PCDHGA8: variants seen among roughly 807,000 people sequenced by gnomAD.
The protein encoded by PCDHGA8 is protocadherin gamma subfamily A, 8, also known as protocadherin gamma-A8.
PCDHGA8 carries 45 observed loss-of-function variants against 59.2 expected under a neutral mutation model. The observed-to-expected ratio is 0.76, with a 90% confidence interval of 0.60 to 0.98. The LOEUF (loss-of-function observed/expected upper bound fraction) is 0.98. Among genes scored for constraint, PCDHGA8 ranks in the 50% least tolerant of loss-of-function variants. The pLI is 0.00. For missense variants in PCDHGA8, 1,257 were observed against 1,196.2 expected, an observed-to-expected ratio of 1.05 and a Z score of -0.75; for synonymous variants, 531 against 519.0, an observed-to-expected ratio of 1.02 and a Z score of -0.32.
chr5:141,454,898 C>T (rs1426884791), intron 1 of PCDHGA8, among the ~76,000 whole-genome samples: 1 of 147,834 alleles, frequency 6.8e-6, no homozygotes, highest in Non-Finnish European at 1.5e-5. Flanking sequence ...AGCACCGCCT[C>T]CCGGGTTCAC....
chr5:141,415,890 C>A lies in PCDHGA8; in HGVS notation c.2424+20653C>A, dbSNP rs2095969500. The A allele has an allele frequency of 9.7e-6, 9 of 931,410 alleles. No homozygotes were observed. In the South Asian group the frequency reaches 2.3e-4, roughly 24 times the overall value. 57.7% of individuals were successfully genotyped at this position (931,410 alleles called of 1,614,324 possible). On this transcript the variant is annotated intron_variant, in intron 1 of 3. Coordinates refer to ENST00000398604, the MANE Select transcript of PCDHGA8 (RefSeq NM_032088.2). Reference sequence around the variant, plus strand: ...GTTGTTGAGTACAATATTGACAATTCCTAAGACAGACTTCCATACAGAAGT... The same window carrying A: ...GTTGTTGAGTACAATATTGACAATTACTAAGACAGACTTCCATACAGAAGT...
In PCDHGA8 at chr5:141,423,466, G is replaced by T. The variant is rs770939556; in HGVS notation, c.2424+28229G>T. On this transcript the variant is annotated intron_variant, in intron 1 of 3. Coordinates refer to ENST00000398604, the MANE Select transcript of PCDHGA8 (RefSeq NM_032088.2). Reference sequence around the variant, plus strand: ...GTCACATTTTGTAGGCGTGGACGGGGTACAGGCTTTCCTGCAAACCTATTC... The same window carrying T: ...GTCACATTTTGTAGGCGTGGACGGGTTACAGGCTTTCCTGCAAACCTATTC... 6 of 1,614,022 alleles carry T rather than the reference G, an allele frequency of 3.7e-6. No homozygotes were observed. In the Admixed American group the frequency reaches 5.0e-5, roughly 13 times the overall value.
intron 1 of PCDHGA8, chr5:141,409,616 G>T: frequency 6.2e-7 from 1 of 1,613,882 alleles, no homozygotes; most frequent in African/African-American, 1.3e-5. Context: ...AGCCTCCATT[G>T]CGCAAGTGAG....
At chr5:141,400,681 T>C in intron 1 of PCDHGA8, 1 of 834,118 alleles carries the variant, frequency 1.2e-6, no homozygotes, top group Non-Finnish European at 1.9e-6. Flanking sequence ...CAGTAAATTG[T>C]GAGTTTTTAT....
Position 141,410,368 on chromosome 5 carries a change from T to C in PCDHGA8, c.2424+15131T>C, listed in dbSNP as rs751198926. 5.6e-6 allele frequency: 9 copies of C among 1,613,956 alleles called. No homozygotes were observed. The African/African-American group carries it at 1.2e-4, about 22-fold the overall frequency. On this transcript the variant is annotated intron_variant, in intron 1 of 3. Coordinates refer to ENST00000398604, the MANE Select transcript of PCDHGA8 (RefSeq NM_032088.2). Reference sequence around the variant, plus strand: ...GCCTGCGACGCTCTCTCAGCCCTGCTACTTGGGACTGCTTCCATCCTGGTC... The same window carrying C: ...GCCTGCGACGCTCTCTCAGCCCTGCCACTTGGGACTGCTTCCATCCTGGTC...
chr5:141,480,240 CA>C lies in PCDHGA8; in HGVS notation c.2425-14552del, dbSNP rs11374694. 4.6e-3 allele frequency among the ~76,000 whole-genome samples: 522 copies of C among 113,846 alleles called. 1 individual carries two copies. Among genetic ancestry groups the C allele is most frequent in the Non-Finnish European group, 5.4e-3 (287 of 52,954 alleles). 74.7% of individuals were successfully genotyped at this position (113,846 alleles called of 152,430 possible). A position where few individuals can be genotyped will look rare whatever the true frequency, so the allele number is the denominator to read the frequency against. ...GCGACATAGTGAGATCCTGTCTCTACAAAAAAAAAAAAAAATGTGTTTTCAT... is the reference window on the plus strand; with the variant it reads ...GCGACATAGTGAGATCCTGTCTCTACAAAAAAAAAAAAAATGTGTTTTCAT... On this transcript the variant is annotated intron_variant, in intron 1 of 3. Coordinates refer to ENST00000398604, the MANE Select transcript of PCDHGA8 (RefSeq NM_032088.2).
chr5:141,463,184 T>A (rs62379194), intron 1 of PCDHGA8, among the ~76,000 whole-genome samples: 5,135 of 152,236 alleles, frequency 0.034, 100 homozygotes, highest in Middle Eastern at 0.088. Context: ...CTCAGATTAT[T>A]ATTTAGCCAA....
chr5:141,431,473 C>T lies in PCDHGA8; in HGVS notation c.2424+36236C>T, dbSNP rs750300971. ...TGATGGTTCTGGATGCGAACGACAA[C>T]GCACCAGCGTTTGCTCAGCCCGAGT... On this transcript the variant is annotated intron_variant, in intron 1 of 3. Coordinates refer to ENST00000398604, the MANE Select transcript of PCDHGA8 (RefSeq NM_032088.2). This position sits in a 1 kb window ranked among gnomAD's most constrained non-coding sequence, Gnocchi z 4.8. 4.3e-6 allele frequency: 7 copies of T among 1,613,832 alleles called. No individual in the cohort carries two copies. The Admixed American group carries it at 1.2e-4, about 27-fold the overall frequency.
At chr5:141,454,331 T>G (rs1244660733) in intron 1 of PCDHGA8, among the ~76,000 whole-genome samples, 1 of 152,180 alleles carries the variant, frequency 6.6e-6, no homozygotes, top group Non-Finnish European at 1.5e-5. Context: ...CAAGAATAAA[T>G]AAAATGTTGG....
At position 141,432,232 on chromosome 5, in the gene PCDHGA8, G is replaced by A. The variant is rs766929605; in HGVS notation, c.2424+36995G>A. Reference sequence around the variant, plus strand: ...AGAACGCCCAGATCACTTATTCCCTGGCTGAGAACACCATCCAAGGGGCAA... The same window carrying A: ...AGAACGCCCAGATCACTTATTCCCTAGCTGAGAACACCATCCAAGGGGCAA... On this transcript the variant is annotated intron_variant, in intron 1 of 3. Coordinates refer to ENST00000398604, the MANE Select transcript of PCDHGA8 (RefSeq NM_032088.2). The surrounding 1 kb of genome is among the most constrained non-coding windows in gnomAD (Gnocchi z 6.0). The A allele has an allele frequency of 6.2e-7, 1 of 1,614,188 alleles. No homozygotes were observed. The highest frequency in any genetic ancestry group is 1.6e-4 in the Middle Eastern group (1 of 6,062).
chr5:141,428,052 G>A (rs750852525), intron 1 of PCDHGA8: 6 of 1,608,992 alleles, frequency 3.7e-6, no homozygotes, highest in East Asian at 4.5e-5. Context: ...GACCAAGGTG[G>A]TGGCGGTGGA....
intron 3 of PCDHGA8, among the ~76,000 whole-genome samples, chr5:141,506,012 T>C (rs2099850012): frequency 6.6e-6 from 1 of 152,208 alleles, no homozygotes; most frequent in Non-Finnish European, 1.5e-5. Context: ...CCTCTTTTGC[T>C]GCCCCTAACT....
intron 1 of PCDHGA8, chr5:141,427,227 A>G (rs111948686): frequency 8.8e-6 from 4 of 456,798 alleles, no homozygotes; most frequent in African/African-American, 4.0e-5. Flanking sequence ...CAGTTATACC[A>G]TGAGAGTAGA....
chr5:141,406,761 A>T (rs1327829124), intron 1 of PCDHGA8, among the ~76,000 whole-genome samples: 1 of 152,234 alleles, frequency 6.6e-6, no homozygotes. Flanking sequence ...ACAAGGAATT[A>T]AAAATATTTC....
chr5:141,422,433 T>C, intron 1 of PCDHGA8: 2 of 1,609,628 alleles, frequency 1.2e-6, no homozygotes. Context: ...ATGGAAATTA[T>C]TACAAATTGA....
At chr5:141,433,020 C>G (rs761127608) in intron 1 of PCDHGA8, 5 of 1,614,152 alleles carry the variant, frequency 3.1e-6, no homozygotes, top group East Asian at 2.2e-5. Flanking sequence ...CAGACCTATT[C>G]CCACGAGGTT....
Position 141,493,022 on chromosome 5 carries a change from G to C in PCDHGA8, c.2425-1785G>C, listed in dbSNP as rs1184742888. On this transcript the variant is annotated intron_variant, in intron 1 of 3. Transcript: ENST00000398604. This position sits in a 1 kb window ranked among gnomAD's most constrained non-coding sequence, Gnocchi z 4.3. Reference sequence around the variant, plus strand: ...GCTATAGGCTCTGCCAGATGCCAGGGTGCCCTTATGTGTGAGGAAACTACA... The same window carrying C: ...GCTATAGGCTCTGCCAGATGCCAGGCTGCCCTTATGTGTGAGGAAACTACA... Among the ~76,000 whole-genome samples the C allele has an allele frequency of 6.6e-6, 1 of 152,222 alleles. No individual in the cohort carries two copies. Among genetic ancestry groups the C allele is most frequent in the Non-Finnish European group, 1.5e-5 (1 of 68,040 alleles).
rs775963212 is a variant in PCDHGA8, at chr5:141,485,463, G to T, written c.2425-9344G>T. ...CCAATCGACCGAGAGGCACTGTGTG[G>T]GCTCAGTGCCAGCTGCATCGTGCCC... On this transcript the variant is annotated intron_variant, in intron 1 of 3. Coordinates refer to ENST00000398604, the MANE Select transcript of PCDHGA8 (RefSeq NM_032088.2). The surrounding 1 kb of genome is among the most constrained non-coding windows in gnomAD (Gnocchi z 5.7). The T allele has an allele frequency of 1.2e-6, 2 of 1,614,086 alleles. No individual in the cohort carries two copies. The highest frequency in any genetic ancestry group is 3.3e-5 in the Admixed American group (2 of 60,026).
Position 141,505,441 on chromosome 5 carries a change from C to A in PCDHGA8, c.2532C>A (p.Asp844Glu), listed in dbSNP as rs2099846055. 6.2e-7 allele frequency: 1 copy of A among 1,614,084 alleles called. No individual in the cohort carries two copies. Among genetic ancestry groups the A allele is most frequent in the Non-Finnish European group, 8.5e-7 (1 of 1,180,024 alleles). Reference sequence around the variant, plus strand: ...GCACCTGGCCCAACAACCAGTTTGACACAGAGATGCTGCAAGCCATGATCT... The same window carrying A: ...GCACCTGGCCCAACAACCAGTTTGAAACAGAGATGCTGCAAGCCATGATCT... ...DTGTWPNNQFDTEMLQAMILA... is the reference protein window; with the variant it reads ...DTGTWPNNQFETEMLQAMILA... Residue 844 changes from aspartate to glutamate, a missense_variant, in exon 3 of 4, where the codon GAC becomes GAA. Transcript: ENST00000398604.
Sources: gnomAD v4.1 joint callset for allele counts (sites outside exome capture counted in the v4.1 genomes callset) on GRCh38, gnomAD v4.1.1 for gene constraint, Gnocchi (gnomAD v3.1) non-coding constraint, MANE v1.5 for transcripts, NCBI Gene and HGNC (gene_info 2026-07-23, HGNC 2026-07-21) for gene names.